PTPN11: variants seen among roughly 807,000 people sequenced by gnomAD.
PTPN11 encodes tyrosine-protein phosphatase non-receptor type 11.
A neutral mutation model predicts 78.8 loss-of-function variants in PTPN11; 6 were observed. The observed-to-expected ratio is 0.08, with a 90% CI of 0.04 to 0.15. The LOEUF is 0.15. PTPN11 is among the 10% of genes least tolerant of loss of function. The pLI is 1.00. For missense variants in PTPN11, 386 were observed against 744.8 expected (o/e 0.52, Z 5.61); for synonymous variants, 221 against 263.5 (o/e 0.84, Z 1.56).
intron 13 of PTPN11, among the ~76,000 whole-genome samples, chr12:112,500,620 C>T (rs2038863609): frequency 6.6e-6 from 1 of 152,168 alleles, no homozygotes; most frequent in East Asian, 1.9e-4. Context: ...TTGAGACAGT[C>T]TCACTCCATC....
At chr12:112,487,430 G>A (rs911859176) in intron 11 of PTPN11, among the ~76,000 whole-genome samples, 4 of 152,062 alleles carry the variant, frequency 2.6e-5, no homozygotes, top group Non-Finnish European at 5.9e-5. Context: ...TACCATGCCC[G>A]GCCCATTCTG....
chr12:112,479,488 T>C (rs2135903784), intron 9 of PTPN11, among the ~76,000 whole-genome samples: 1 of 152,326 alleles, frequency 6.6e-6, no homozygotes, highest in South Asian at 2.1e-4. Flanking sequence ...GTTGTACTCC[T>C]AGTTGGTATA....
chr12:112,447,281 C>A (rs1309886228), intron 2 of PTPN11, among the ~76,000 whole-genome samples: 3 of 151,926 alleles, frequency 2.0e-5, no homozygotes, highest in Non-Finnish European at 2.9e-5. Flanking sequence ...GCTTCCCTGC[C>A]CAGGCCCGTT....
chr12:112,483,306 G>T (rs2038625623), intron 10 of PTPN11, among the ~76,000 whole-genome samples: 1 of 151,526 alleles, frequency 6.6e-6, no homozygotes, highest in Admixed American at 6.6e-5. Context: ...TCTCACCTCA[G>T]CCTCCCATGT....
intron 6 of PTPN11, among the ~76,000 whole-genome samples, chr12:112,472,229 C>T (rs2135893890): frequency 6.6e-6 from 1 of 152,132 alleles, no homozygotes; most frequent in South Asian, 2.1e-4. Context: ...CTCAAGTGAT[C>T]CTCCAGCCTC....
chr12:112,466,673 A>G (rs1007572892), intron 6 of PTPN11, among the ~76,000 whole-genome samples: 1 of 152,194 alleles, frequency 6.6e-6, no homozygotes, highest in African/African-American at 2.4e-5. Context: ...TTAAAAAGTA[A>G]TCTCTGTGCT....
At chr12:112,491,348 CT>C (rs1029131904) in intron 13 of PTPN11, among the ~76,000 whole-genome samples, 24 of 150,736 alleles carry the variant, frequency 1.6e-4, no homozygotes, top group African/African-American at 4.4e-4. Context: ...TGACTGTTAA[CT>C]TTTTAGCACA....
intron 6 of PTPN11, among the ~76,000 whole-genome samples, chr12:112,466,175 T>C (rs1391472424): frequency 6.6e-6 from 1 of 152,188 alleles, no homozygotes; most frequent in Non-Finnish European, 1.5e-5. Context: ...TAGTGTAAGA[T>C]AAAAAGGGTG....
intron 4 of PTPN11, 79 bp from the exon 5 acceptor site, chr12:112,454,485 A>G (rs2038123693): frequency 1.0e-6 from 1 of 998,670 alleles, no homozygotes; most frequent in Admixed American, 1.7e-5. Context: ...ATAATGCTGC[A>G]GTGAACATGA....
At chr12:112,429,978 T>C (rs1407721571) in intron 1 of PTPN11, among the ~76,000 whole-genome samples, 2 of 152,178 alleles carry the variant, frequency 1.3e-5, no homozygotes, top group Non-Finnish European at 2.9e-5. Context: ...AGTATAGCTG[T>C]AATTTTAACC....
rs1265427320 is a variant in PTPN11, at chr12:112,507,430, T to A, written c.*1638T>A. On this transcript the variant is annotated 3_prime_UTR_variant, in exon 16 of 16. Transcript: ENST00000351677. ...AAACGTGACTCTTTCTTAATGCCAC[T>A]GGGTTTTAGTCAGGCCACAGTGAGA... 2.6e-5 allele frequency: 4 copies of A among 152,714 alleles called. No homozygotes were observed. Among genetic ancestry groups the A allele is most frequent in the African/African-American group, 9.6e-5 (4 of 41,452 alleles). The allele number at this position is 152,714 out of a possible 1,614,324, so 9.5% of individuals were successfully genotyped here. A position where few individuals can be genotyped will look rare whatever the true frequency, so the allele number is the denominator to read the frequency against.
chr12:112,446,499 G>C (rs558217764), intron 2 of PTPN11, 101 bp downstream of exon 2: 1 of 1,546,756 alleles, frequency 6.5e-7, no homozygotes, highest in Non-Finnish European at 8.9e-7. Flanking sequence ...GAGTTTGAAG[G>C]CCTTATCTGA....
intron 6 of PTPN11, among the ~76,000 whole-genome samples, chr12:112,467,430 AAGG>A (rs966753005): frequency 6.6e-6 from 1 of 152,096 alleles, no homozygotes; most frequent in Non-Finnish European, 1.5e-5. Context: ...TGGAAGGCAA[AAGG>A]AGGGCAGACG....
At chr12:112,477,615 C>T (rs2038525417) in intron 7 of PTPN11, 36 bp from the exon 8 acceptor site, 1 of 1,531,892 alleles carries the variant, frequency 6.5e-7, no homozygotes, top group Non-Finnish European at 9.0e-7. Flanking sequence ...TGAAGCAGTC[C>T]AGGACTTATG....
At chr12:112,454,493 T>C in intron 4 of PTPN11, 71 bp from the exon 5 acceptor site, 1 of 1,093,358 alleles carries the variant, frequency 9.1e-7, no homozygotes, top group South Asian at 1.2e-5. Flanking sequence ...GCAGTGAACA[T>C]GAGAGTGCTT....
intron 13 of PTPN11, among the ~76,000 whole-genome samples, chr12:112,500,014 C>T (rs1051117833): frequency 1.3e-5 from 2 of 150,868 alleles, no homozygotes; most frequent in African/African-American, 2.4e-5. Flanking sequence ...GAGGCCGAGG[C>T]GGGTGGATCA....
intron 1 of PTPN11, among the ~76,000 whole-genome samples, chr12:112,440,546 G>T (rs1224577384): frequency 7.0e-6 from 1 of 142,746 alleles, no homozygotes; most frequent in Non-Finnish European, 1.5e-5. Flanking sequence ...TTACAGGCGT[G>T]AGCCACTGTG....
chr12:112,497,890 C>T (rs377497884), intron 13 of PTPN11, among the ~76,000 whole-genome samples: 8 of 152,120 alleles, frequency 5.3e-5, no homozygotes, highest in African/African-American at 9.7e-5. Flanking sequence ...TGGTGGCTCA[C>T]GCCTGTAATC....
intron 9 of PTPN11, among the ~76,000 whole-genome samples, chr12:112,479,036 G>A (rs1257566006): frequency 1.3e-5 from 2 of 152,142 alleles, no homozygotes; most frequent in Non-Finnish European, 2.9e-5. Flanking sequence ...GCCTGGCCAT[G>A]TTGTCTGTTT....
Sources: allele counts gnomAD v4.1 joint callset (sites outside exome capture counted in the v4.1 genomes callset), GRCh38; gene constraint gnomAD v4.1.1; transcripts MANE v1.5; gene names NCBI Gene and HGNC (gene_info 2026-07-23, HGNC 2026-07-21).